The following MTOR variants were observed in gnomAD, a reference collection of about 807,000 sequenced individuals.
MTOR encodes serine/threonine-protein kinase mTOR.
Under a neutral mutation model 319.8 loss-of-function variants are expected in MTOR, and 70 were observed. That is an observed-to-expected ratio of 0.22 (90% CI 0.18 to 0.27). MTOR has a LOEUF of 0.27. Ranked by LOEUF, MTOR falls within the 10% of genes least tolerant of loss-of-function variation. MTOR has a pLI of 1.00. For missense variants in MTOR, 1,890 were observed against 3,274.4 expected (o/e 0.58, Z 10.32); for synonymous variants, 1,183 against 1,211.4 (o/e 0.98, Z 0.49).
chr1:11,126,573 C>T (rs1235433079), intron 46 of MTOR, 49 bp downstream of exon 46: 1 of 1,581,258 alleles, frequency 6.3e-7, no homozygotes. Flanking sequence ...GGGGTCTCAG[C>T]CAGTGTAGGA....
chr1:11,139,392 G>A lies in MTOR; in HGVS notation c.5042C>T (p.Pro1681Leu). The A allele has an allele frequency of 6.2e-7, 1 of 1,613,914 alleles. No homozygotes were observed. ...CAGAGGATGGTCAAGTTGCCGAGAC[G>A]GATCAACTCCCAGGAGCAACACTAA... Reference protein sequence around the residue: ...KTLVLLLGVDPSRQLDHPLPT... With the variant: ...KTLVLLLGVDLSRQLDHPLPT... Residue 1681 changes from proline (P) to leucine (L), a missense_variant, in exon 36 of 58, where the codon CCG becomes CTG. Transcript: ENST00000361445.
chr1:11,226,787 A>G (rs1553123356), intron 19 of MTOR, among the ~76,000 whole-genome samples: 1 of 152,056 alleles, frequency 6.6e-6, no homozygotes, highest in Non-Finnish European at 1.5e-5. Flanking sequence ...TATCTCAAAA[A>G]CCAAAAACAT....
intron 28 of MTOR, among the ~76,000 whole-genome samples, chr1:11,191,877 C>T (rs1164304514): frequency 1.3e-5 from 2 of 152,222 alleles, no homozygotes; most frequent in African/African-American, 4.8e-5. Context: ...ATATTCACGA[C>T]TGATTTGTTA....
intron 49 of MTOR, among the ~76,000 whole-genome samples, chr1:11,120,512 T>C (rs988766875): frequency 4.2e-5 from 6 of 142,760 alleles, no homozygotes; most frequent in Non-Finnish European, 9.0e-5. Flanking sequence ...CACTCCAGCC[T>C]GGGCGGGGAA....
chr1:11,194,550 C>A (rs201748440), intron 28 of MTOR: 1 of 1,614,186 alleles, frequency 6.2e-7, no homozygotes, highest in East Asian at 2.2e-5. Flanking sequence ...TGGGGAACTA[C>A]ACTGGCAATG....
intron 28 of MTOR, among the ~76,000 whole-genome samples, chr1:11,178,436 G>A (rs2100656436): frequency 6.6e-6 from 1 of 152,320 alleles, no homozygotes; most frequent in Admixed American, 6.5e-5. Context: ...ATGATGAATG[G>A]CTGTCACATT....
At chr1:11,200,528 G>A (rs1305735919) in intron 26 of MTOR, among the ~76,000 whole-genome samples, 2 of 152,164 alleles carry the variant, frequency 1.3e-5, no homozygotes, top group East Asian at 3.8e-4. Context: ...TCTGGTGACT[G>A]TGCGGGGAAG....
In MTOR at chr1:11,212,267, C is replaced by CA; in HGVS notation, c.3561+44dup. On this transcript the variant is annotated intron_variant, in intron 23 of 57. Transcript: ENST00000361445. This position sits in a 1 kb window ranked among gnomAD's most constrained non-coding sequence, Gnocchi z 4.1. ...TGGCTCACAGACAAAGTCTTCTTTC[C>CA]AAATAAGGCAGAAGAGCACCTGTCT... The CA allele has an allele frequency of 6.4e-7, 1 of 1,559,062 alleles. No individual in the cohort carries two copies. The highest frequency in any genetic ancestry group is 8.7e-7 in the Non-Finnish European group (1 of 1,151,994).
intron 26 of MTOR, among the ~76,000 whole-genome samples, chr1:11,200,898 C>A (rs1286061246): frequency 6.6e-6 from 1 of 151,754 alleles, no homozygotes; most frequent in Non-Finnish European, 1.5e-5. Flanking sequence ...GCCTGTAGTC[C>A]CAGCTTCTCA....
intron 54 of MTOR, among the ~76,000 whole-genome samples, chr1:11,111,947 C>T (rs1271656530): frequency 8.7e-6 from 1 of 115,582 alleles, no homozygotes; most frequent in African/African-American, 3.3e-5. Flanking sequence ...CAAAGTTAAA[C>T]AATTTTACTC....
chr1:11,252,677 G>C (rs1323423897), intron 6 of MTOR, among the ~76,000 whole-genome samples: 1 of 152,140 alleles, frequency 6.6e-6, no homozygotes, highest in Non-Finnish European at 1.5e-5. Flanking sequence ...TCCCACATCT[G>C]GGCATGGCTA....
chr1:11,261,029 TG>T (rs1651051304), intron 1 of MTOR, among the ~76,000 whole-genome samples: 1 of 151,450 alleles, frequency 6.6e-6, no homozygotes, highest in Non-Finnish European at 1.5e-5. Flanking sequence ...TGACCTCAGG[TG>T]ATCTGCCCGC....
At chr1:11,176,878 T>C (rs1479496443) in intron 28 of MTOR, among the ~76,000 whole-genome samples, 1 of 152,174 alleles carries the variant, frequency 6.6e-6, no homozygotes, top group Non-Finnish European at 1.5e-5. Context: ...ATCAGGAAGC[T>C]ACCTTGGGAA....
At chr1:11,207,269 T>C (rs1035128252) in intron 25 of MTOR, among the ~76,000 whole-genome samples, 1 of 151,978 alleles carries the variant, frequency 6.6e-6, no homozygotes, top group African/African-American at 2.4e-5. Flanking sequence ...GTCCAGCTAA[T>C]TTTTGTATTT....
chr1:11,198,092 C>T (rs938044242), intron 28 of MTOR, among the ~76,000 whole-genome samples: 1 of 152,132 alleles, frequency 6.6e-6, no homozygotes, highest in African/African-American at 2.4e-5. Context: ...AATTAATATG[C>T]AAAATGAGTT....
intron 3 of MTOR, 37 bp downstream of exon 3, chr1:11,258,444 GGTGA>G (rs778935128): frequency 1.4e-6 from 2 of 1,382,766 alleles, no homozygotes; most frequent in Non-Finnish European, 2.1e-6. Flanking sequence ...TGGGCACAAA[GGTGA>G]GTGTGTTGTT....
chr1:11,216,383 C>T lies in MTOR; in HGVS notation c.3031-149G>A, dbSNP rs1235215159. On this transcript the variant is annotated intron_variant, in intron 19 of 57. Transcript: ENST00000361445. ...TGAGAATATATTTCAAAGACCCAAG[C>T]TTGGCTAGGTTTGGAGGCTCAGTGC... 4 of 575,286 alleles carry T rather than the reference C, an allele frequency of 7.0e-6. No homozygotes were observed. In the Admixed American group the frequency reaches 1.2e-4, roughly 17 times the overall value. The allele number at this position is 575,286 out of a possible 1,614,324, so 35.6% of individuals were successfully genotyped here.
At position 11,243,156 on chromosome 1, in the gene MTOR, T is replaced by A; in HGVS notation, c.1370A>T (p.Asp457Val). The A allele has an allele frequency of 6.2e-7, 1 of 1,614,156 alleles. No individual in the cohort carries two copies. The highest frequency in any genetic ancestry group is 8.5e-7 in the Non-Finnish European group (1 of 1,180,038). The change falls in exon 9 of 58, where the codon GAC becomes GTC. Residue 457 changes from aspartate (D) to valine (V), a missense_variant. Asp to Val is a radical substitution (Grantham distance 152, BLOSUM62 -3). This residue lies in a region of MTOR where 418 missense variants were observed against 543.1 expected (regional missense o/e 0.77). Transcript: ENST00000361445. ...TGGGGGCAGGGCCGCTCGGATGATGTCCAGCACGCGAGGCAAATAGACCTT... is the reference window on the plus strand; with the variant it reads ...TGGGGGCAGGGCCGCTCGGATGATGACCAGCACGCGAGGCAAATAGACCTT... ...EFKVYLPRVL[D>V]IIRAALPPKD...
At chr1:11,177,865 G>A (rs191866188) in intron 28 of MTOR, among the ~76,000 whole-genome samples, 2 of 152,270 alleles carry the variant, frequency 1.3e-5, no homozygotes, top group African/African-American at 2.4e-5. Context: ...AAAAATGGAG[G>A]AGGGAAGTTG....
Sources: gnomAD v4.1 joint callset for allele counts (sites outside exome capture counted in the v4.1 genomes callset) on GRCh38, gnomAD v4.1.1 for gene constraint, gnomAD v4.1.1 regional missense constraint, Gnocchi (gnomAD v3.1) non-coding constraint, MANE v1.5 for transcripts, NCBI Gene and HGNC (gene_info 2026-07-23, HGNC 2026-07-21) for gene names.